ANO1: variants seen among roughly 807,000 people sequenced by gnomAD.
The protein encoded by ANO1 is anoctamin-1.
A neutral mutation model predicts 124.0 loss-of-function variants in ANO1; 59 were observed. The ratio of observed to expected loss-of-function variants is 0.48; its 90% CI spans 0.39 to 0.59. The LOEUF (loss-of-function observed/expected upper bound fraction) is 0.59. ANO1 is among the 20% of genes least tolerant of loss of function. The probability of loss-of-function intolerance (pLI) is 0.00; values close to 1 mark genes in which losing one functional copy is unlikely to be tolerated. For missense variants in ANO1, 1,059 were observed against 1,328.0 expected (o/e 0.80, Z 3.15); for synonymous variants, 529 against 532.0 (o/e 0.99, Z 0.08).
At chr11:69,966,503 T>C in the ANO1 span, among the ~76,000 whole-genome samples, 1 of 152,142 alleles carries the variant, frequency 6.6e-6, no homozygotes, top group Non-Finnish European at 1.5e-5. Context: ...GTGGAGGTGC[T>C]GCGTCGCCGG....
chr11:70,103,013 T>A, intron 2 of ANO1, 53 bp from the exon 3 acceptor site: 4 of 1,301,084 alleles, frequency 3.1e-6, no homozygotes, highest in Non-Finnish European at 4.2e-6. Context: ...AAGGTGGTTT[T>A]CCACAGAGAT....
At position 70,152,521 on chromosome 11, in the gene ANO1, C is replaced by G. The variant is rs1324269272; in HGVS notation, c.1353+60C>G. On this transcript the variant is annotated intron_variant, in intron 13 of 25. Coordinates refer to ENST00000355303, the MANE Select transcript of ANO1 (RefSeq NM_018043.7). ...CAGCCTATCTCCCTGGGAGAGGGAC[C>G]TTCTCTTGCACCTAATCTCTTTCTA... 11 of 1,569,526 alleles carry G rather than the reference C, an allele frequency of 7.0e-6. No homozygotes were observed. The African/African-American group carries it at 8.1e-5, about 12-fold the overall frequency.
intron 15 of ANO1, 22 bp downstream of exon 15, chr11:70,156,010 AGC>A (rs767136580): frequency 6.1e-5 from 91 of 1,499,704 alleles, no homozygotes; most frequent in Non-Finnish European, 7.8e-5. Flanking sequence ...TTTTGCGGGC[AGC>A]GCGCGTCTTG....
chr11:70,078,325 A>G lies in ANO1; in HGVS notation c.-282A>G, dbSNP rs2044091563. 1.3e-5 allele frequency: 2 copies of G among 149,896 alleles called. No individual in the cohort carries two copies. Among genetic ancestry groups the G allele is most frequent in the South Asian group, 2.1e-4 (1 of 4,688 alleles). 9.3% of individuals were successfully genotyped at this position (149,896 alleles called of 1,614,324 possible). A position where few individuals can be genotyped will look rare whatever the true frequency, so the allele number is the denominator to read the frequency against. ...GCAAAGGCGGGCCGGCTGGCGTCCA[A>G]GTTCCTGACCAGGCGCGGGCCGGCC... On this transcript the variant is annotated 5_prime_UTR_variant, in exon 1 of 26. Coordinates refer to ENST00000355303, the MANE Select transcript of ANO1 (RefSeq NM_018043.7).
At chr11:70,132,721 C>A (rs1417375990) in intron 11 of ANO1, among the ~76,000 whole-genome samples, 3 of 152,210 alleles carry the variant, frequency 2.0e-5, no homozygotes, top group African/African-American at 7.2e-5. Flanking sequence ...TAAGTGGTGG[C>A]TGAATGCATT....
In ANO1 at chr11:70,000,107, C is replaced by A. The variant is rs576422440; in HGVS notation, c.58+13941C>A. 4.1e-3 allele frequency among the ~76,000 whole-genome samples: 620 copies of A among 152,234 alleles called. 5 individuals carry two copies. Among genetic ancestry groups the A allele is most frequent in the African/African-American group, 0.014 (589 of 41,522 alleles). On this transcript the variant is annotated intron_variant, in intron 1 of 27. Transcript: ENST00000531349. Reference sequence around the variant, plus strand: ...CATAAGAAAACCTTTGTAACTGCAACCAAGTGAGGTCACTTTTTGGATGGA... The same window carrying A: ...CATAAGAAAACCTTTGTAACTGCAAACAAGTGAGGTCACTTTTTGGATGGA...
chr11:70,123,264 G>A (rs1358083126), intron 8 of ANO1, among the ~76,000 whole-genome samples: 1 of 152,220 alleles, frequency 6.6e-6, no homozygotes, highest in African/African-American at 2.4e-5. Flanking sequence ...GCAGCAGCAG[G>A]CGGCCCCTCT....
In ANO1 at chr11:70,163,346, C is replaced by T. The variant is rs375456170; in HGVS notation, c.1950+6C>T. ...GTTCCTTCCGAATGGAAGAGGTAACCGAAATTTTATTCATCTCTGGCAGCC... is the reference window on the plus strand; with the variant it reads ...GTTCCTTCCGAATGGAAGAGGTAACTGAAATTTTATTCATCTCTGGCAGCC... On this transcript the variant is annotated splice_donor_region_variant and intron_variant, in intron 19 of 25. Coordinates refer to ENST00000355303, the MANE Select transcript of ANO1 (RefSeq NM_018043.7). 1.2e-4 allele frequency: 197 copies of T among 1,613,896 alleles called. 2 individuals are homozygous for T. In the East Asian group the frequency reaches 3.5e-3, roughly 28 times the overall value.
At chr11:69,969,883 G>A in the ANO1 span, among the ~76,000 whole-genome samples, 2 of 152,276 alleles carry the variant, frequency 1.3e-5, no homozygotes, top group South Asian at 2.1e-4. Flanking sequence ...GGGGGCAGAG[G>A]TTGCAGTGAG....
intron 1 of ANO1, among the ~76,000 whole-genome samples, chr11:70,005,389 G>A (rs1591028776): frequency 6.6e-6 from 1 of 152,274 alleles, no homozygotes; most frequent in African/African-American, 2.4e-5. Flanking sequence ...TTCAGAACCA[G>A]GGAGGAGATG....
chr11:70,000,795 C>T (rs985036654), intron 1 of ANO1, among the ~76,000 whole-genome samples: 29 of 151,994 alleles, frequency 1.9e-4, no homozygotes, highest in African/African-American at 5.6e-4. Context: ...GACTATCCCA[C>T]GCTCCCTTCC....
chr11:70,167,212 A>G (rs186911280), intron 20 of ANO1, 30 bp from the exon 21 acceptor site: 5 of 1,611,840 alleles, frequency 3.1e-6, no homozygotes, highest in African/African-American at 2.7e-5. Flanking sequence ...CCCTCCTGCA[A>G]ACCTAACTGC....
At chr11:70,157,132 C>T (rs1292669227) in intron 16 of ANO1, 111 bp downstream of exon 16, 17 of 936,454 alleles carry the variant, frequency 1.8e-5, no homozygotes, top group African/African-American at 5.0e-5. Flanking sequence ...TTTGGGAGGC[C>T]GAGGCGGGCA....
rs369825188 is a variant in ANO1 at position 70,161,197 on chromosome 11, A to G, written c.1615A>G (p.Ile539Val). The G allele has an allele frequency of 2.5e-6, 4 of 1,613,678 alleles. No homozygotes were observed. The highest frequency in any genetic ancestry group is 3.4e-6 in the Non-Finnish European group (4 of 1,179,810). ...VTFAIVLGVI[I>V]YRISMAAALA... Reference sequence around the variant, plus strand: ...GTTTGCCATCGTCCTCGGCGTCATCATCTACAGAATCTCCATGGCCGCCGC... The same window carrying G: ...GTTTGCCATCGTCCTCGGCGTCATCGTCTACAGAATCTCCATGGCCGCCGC... Residue 539 changes from isoleucine (I) to valine (V), a missense_variant, in exon 17 of 26, where the codon ATC becomes GTC. Coordinates refer to ENST00000355303, the MANE Select transcript of ANO1 (RefSeq NM_018043.7).
chr11:69,969,469 G>A, the ANO1 span, among the ~76,000 whole-genome samples: 3 of 152,184 alleles, frequency 2.0e-5, no homozygotes, highest in Non-Finnish European at 2.9e-5. Flanking sequence ...CTCTGGTGAT[G>A]TTCACGGTCT....
At chr11:70,180,280 T>G (rs1590939510) in intron 23 of ANO1, among the ~76,000 whole-genome samples, 1 of 99,906 alleles carries the variant, frequency 1.0e-5, no homozygotes, top group Non-Finnish European at 2.0e-5. Context: ...TTCTGCAAGT[T>G]TTTTTTTTTT....
chr11:70,089,564 C>A (rs2044537995), intron 2 of ANO1, among the ~76,000 whole-genome samples: 1 of 152,106 alleles, frequency 6.6e-6, no homozygotes, highest in South Asian at 2.1e-4. Flanking sequence ...GTCTGGCCAC[C>A]CGGCAGGAGA....
chr11:70,117,555 C>T (rs545708120), intron 8 of ANO1, among the ~76,000 whole-genome samples: 17 of 152,260 alleles, frequency 1.1e-4, no homozygotes, highest in African/African-American at 4.1e-4. Flanking sequence ...TTGCTCTTCC[C>T]TCCTCTCCCA....
At chr11:70,141,956 G>A (rs1481076795) in intron 11 of ANO1, among the ~76,000 whole-genome samples, 1 of 152,090 alleles carries the variant, frequency 6.6e-6, no homozygotes, top group Non-Finnish European at 1.5e-5. Context: ...CACGGTGGAT[G>A]AATCACCTCC....
Sources: allele counts gnomAD v4.1 joint callset (sites outside exome capture counted in the v4.1 genomes callset), GRCh38; gene constraint gnomAD v4.1.1; transcripts MANE v1.5; gene names NCBI Gene and HGNC (gene_info 2026-07-23, HGNC 2026-07-21).